The following RBFOX1 variants were observed in gnomAD, a reference collection of about 807,000 sequenced individuals.
RBFOX1 encodes the protein RNA binding fox-1 homolog 1.
In RBFOX1, 8 loss-of-function variants were observed where a neutral mutation model predicts 57.7. That is an observed-to-expected ratio of 0.14 (90% CI 0.08 to 0.25). RBFOX1 has a LOEUF of 0.25. RBFOX1 is among the 10% of genes least tolerant of loss of function. The probability of loss-of-function intolerance (pLI) is 1.00; values close to 1 mark genes in which losing one functional copy is unlikely to be tolerated. For synonymous variants in RBFOX1, 326 were observed against 222.4 expected, an observed-to-expected ratio of 1.47 and a Z score of -4.15; for missense variants, 611 against 548.5, an observed-to-expected ratio of 1.11 and a Z score of -1.14.
intron 3 of RBFOX1, among the ~76,000 whole-genome samples, chr16:5,653,639 G>A (rs116711111): frequency 4.6e-5 from 7 of 152,122 alleles, no homozygotes; most frequent in Non-Finnish European, 1.0e-4. Context: ...CTGTTCTGCC[G>A]CATGTGCAGC....
chr16:5,242,794 TG>T (rs1437606891), intron 1 of RBFOX1, among the ~76,000 whole-genome samples: 4 of 152,100 alleles, frequency 2.6e-5, no homozygotes, highest in Admixed American at 2.6e-4. Context: ...CCTGGTGCTC[TG>T]GATGGCTGAG....
At chr16:7,119,722 C>A (rs994366404) in intron 4 of RBFOX1, among the ~76,000 whole-genome samples, 1 of 152,042 alleles carries the variant, frequency 6.6e-6, no homozygotes, top group African/African-American at 2.4e-5. Flanking sequence ...AAAGCCAAAA[C>A]TGATAGAACT....
At chr16:6,253,365 G>C (rs1318545934) in intron 1 of RBFOX1, among the ~76,000 whole-genome samples, 1 of 152,116 alleles carries the variant, frequency 6.6e-6, no homozygotes, top group Non-Finnish European at 1.5e-5. Flanking sequence ...TGTGGGCTAC[G>C]CAACTTGCAT....
chr16:6,304,614 G>A (rs1467308854), intron 1 of RBFOX1, among the ~76,000 whole-genome samples: 3 of 152,238 alleles, frequency 2.0e-5, no homozygotes, highest in East Asian at 1.9e-4. Context: ...CCAGCATGGT[G>A]GTGCTTGCCT....
chr16:7,307,518 T>C (rs4332759), intron 4 of RBFOX1, among the ~76,000 whole-genome samples: 5,873 of 152,324 alleles, frequency 0.039, 257 homozygotes, highest in Middle Eastern at 0.11. Context: ...TGACTTATCC[T>C]GTTTCACTTA....
chr16:5,290,872 G>C (rs767334147), intron 1 of RBFOX1, among the ~76,000 whole-genome samples: 2 of 151,460 alleles, frequency 1.3e-5, no homozygotes, highest in African/African-American at 2.4e-5. Context: ...CTAATTTTTG[G>C]ATATTTAGTA....
chr16:7,349,119 A>C (rs1013869366), intron 4 of RBFOX1, among the ~76,000 whole-genome samples: 3 of 152,156 alleles, frequency 2.0e-5, no homozygotes, highest in African/African-American at 4.8e-5. Flanking sequence ...GGTTGCTCCT[A>C]TGGTTCTCAG....
chr16:7,594,110 C>T (rs1008130370), intron 7 of RBFOX1, among the ~76,000 whole-genome samples: 5 of 152,000 alleles, frequency 3.3e-5, no homozygotes, highest in South Asian at 2.1e-4. Context: ...TTTCTCCTAA[C>T]GCTATCCCTC....
intron 3 of RBFOX1, among the ~76,000 whole-genome samples, chr16:5,622,129 A>C (rs2048217635): frequency 6.6e-6 from 1 of 152,200 alleles, no homozygotes; most frequent in African/African-American, 2.4e-5. Context: ...ATTTTCCCCA[A>C]CGTTCTCAGC....
intron 3 of RBFOX1, among the ~76,000 whole-genome samples, chr16:6,690,601 G>A (rs2060065390): frequency 1.3e-5 from 2 of 151,994 alleles, no homozygotes; most frequent in South Asian, 4.2e-4. Flanking sequence ...TCATTATTTA[G>A]TAAGACCAAG....
chr16:5,548,158 T>TAAAAAA (rs59117140), intron 2 of RBFOX1, among the ~76,000 whole-genome samples: 3 of 82,458 alleles, frequency 3.6e-5, no homozygotes, highest in African/African-American at 1.5e-4. Context: ...AAGACTCTGT[T>TAAAAAA]AAAAAAAAAA....
chr16:6,864,314 C>G (rs2059539761), intron 3 of RBFOX1, among the ~76,000 whole-genome samples: 2 of 152,116 alleles, frequency 1.3e-5, no homozygotes, highest in African/African-American at 4.8e-5. Context: ...TTTCCTTATC[C>G]TATCCAGTTA....
chr16:6,639,150 A>T (rs557916124), intron 2 of RBFOX1, among the ~76,000 whole-genome samples: 35 of 152,236 alleles, frequency 2.3e-4, no homozygotes, highest in African/African-American at 7.9e-4. Context: ...AGAATGATAA[A>T]TTTTTTTCAA....
intron 2 of RBFOX1, among the ~76,000 whole-genome samples, chr16:5,530,874 G>A (rs1339383607): frequency 1.4e-5 from 2 of 145,440 alleles, no homozygotes; most frequent in Admixed American, 7.0e-5. Context: ...GATCATCTGA[G>A]GTCAGGAGTT....
At chr16:7,466,923 C>T (rs1303815822) in intron 4 of RBFOX1, among the ~76,000 whole-genome samples, 2 of 152,146 alleles carry the variant, frequency 1.3e-5, no homozygotes, top group African/African-American at 2.4e-5. Context: ...TTTTCAGCCA[C>T]AGGAGAGACT....
At chr16:6,493,492 A>T (rs184637111) in intron 2 of RBFOX1, among the ~76,000 whole-genome samples, 2 of 151,938 alleles carry the variant, frequency 1.3e-5, no homozygotes, top group African/African-American at 2.4e-5. Context: ...CAGTACTATT[A>T]TTTTTTTTAT....
At chr16:6,243,242 C>T (rs2097549686) in intron 1 of RBFOX1, among the ~76,000 whole-genome samples, 1 of 151,952 alleles carries the variant, frequency 6.6e-6, no homozygotes, top group Admixed American at 6.6e-5. Context: ...TTTGCTTGTT[C>T]TTTCATTTCC....
intron 3 of RBFOX1, among the ~76,000 whole-genome samples, chr16:6,708,982 T>C (rs955350381): frequency 1.3e-5 from 2 of 150,702 alleles, no homozygotes; most frequent in Non-Finnish European, 3.0e-5. Flanking sequence ...AAGCTTTTCT[T>C]TTTTTTTTAA....
At chr16:6,811,870 C>T (rs143335952) in intron 3 of RBFOX1, among the ~76,000 whole-genome samples, 2 of 152,130 alleles carry the variant, frequency 1.3e-5, no homozygotes, top group Non-Finnish European at 2.9e-5. Context: ...GCCTGGGCAA[C>T]ACGAGTGAAA....
Sources: gnomAD v4.1 joint callset for allele counts (sites outside exome capture counted in the v4.1 genomes callset) on GRCh38, gnomAD v4.1.1 for gene constraint, MANE v1.5 for transcripts, NCBI Gene and HGNC (gene_info 2026-07-23, HGNC 2026-07-21) for gene names.